Variants in ABCC4 observed in about 807,000 individuals in gnomAD.
ABCC4 encodes ATP-binding cassette sub-family C member 4.
Under a neutral mutation model 168.5 loss-of-function variants are expected in ABCC4, and 102 were observed. The ratio of observed to expected loss-of-function variants is 0.61; its 90% CI spans 0.52 to 0.71. The LOEUF is 0.71. ABCC4 is among the 30% of genes least tolerant of loss of function. The pLI, the probability that ABCC4 is intolerant of heterozygous loss-of-function variation, is 0.00. For synonymous variants in ABCC4, 617 were observed against 590.7 expected, an observed-to-expected ratio of 1.04 and a Z score of -0.65; for missense variants, 1,402 against 1,605.8, an observed-to-expected ratio of 0.87 and a Z score of 2.17.
intron 19 of ABCC4, among the ~76,000 whole-genome samples, chr13:95,133,995 C>A (rs973069193): frequency 2.0e-5 from 3 of 152,116 alleles, no homozygotes; most frequent in Admixed American, 2.0e-4. Context: ...GAAATGCCAC[C>A]CCACTGGGTG....
chr13:95,219,671 T>C (rs547748554), intron 4 of ABCC4, among the ~76,000 whole-genome samples: 1 of 151,962 alleles, frequency 6.6e-6, no homozygotes, highest in East Asian at 1.9e-4. Flanking sequence ...CACTTGGCTT[T>C]TTTGGAGGGT....
intron 19 of ABCC4, among the ~76,000 whole-genome samples, chr13:95,138,880 A>T (rs1273143523): frequency 6.6e-6 from 1 of 151,948 alleles, no homozygotes; most frequent in Admixed American, 6.6e-5. Context: ...GCCTGCAATC[A>T]CTCCACGCCA....
chr13:95,251,438 G>C (rs368650263), intron 1 of ABCC4, among the ~76,000 whole-genome samples: 1 of 152,032 alleles, frequency 6.6e-6, no homozygotes, highest in East Asian at 1.9e-4. Context: ...TCTCTTTAAT[G>C]GACAAGTTCA....
intron 19 of ABCC4, among the ~76,000 whole-genome samples, chr13:95,121,358 G>A (rs2139425601): frequency 6.6e-6 from 1 of 152,058 alleles, no homozygotes; most frequent in South Asian, 2.1e-4. Flanking sequence ...TATTATTGTA[G>A]GATTATAGAG....
rs1462046332 is a variant in ABCC4, at chr13:95,289,690, G to A, written c.74+11551C>T. Among the ~76,000 whole-genome samples the A allele has an allele frequency of 3.9e-5, 6 of 152,304 alleles. No individual in the cohort carries two copies. The South Asian group carries it at 8.3e-4, about 21-fold the overall frequency. ...GAGAGGAACCTGAAAAAGGGGCAGC[G>A]AACCTTTGGCCAGAAAAATGGAAAT... On this transcript the variant is annotated intron_variant, in intron 1 of 30. Transcript: ENST00000645237.
intron 11 of ABCC4, among the ~76,000 whole-genome samples, chr13:95,178,768 G>C (rs2037796342): frequency 6.6e-6 from 1 of 152,186 alleles, no homozygotes; most frequent in South Asian, 2.1e-4. Context: ...CAGGGAAATA[G>C]GAGGAAGGAC....
chr13:95,113,719 C>T (rs1280022656), intron 20 of ABCC4, among the ~76,000 whole-genome samples: 1 of 152,086 alleles, frequency 6.6e-6, no homozygotes, highest in African/African-American at 2.4e-5. Flanking sequence ...CCTGGCGATA[C>T]CTCAGTCAAA....
intron 19 of ABCC4, among the ~76,000 whole-genome samples, chr13:95,116,308 A>G (rs1404725645): frequency 4.6e-5 from 7 of 152,176 alleles, no homozygotes; most frequent in South Asian, 4.1e-4. Flanking sequence ...CCCTCCTTTT[A>G]AGACCCAATC....
chr13:95,250,664 G>A (rs1284798984), intron 1 of ABCC4, among the ~76,000 whole-genome samples: 10 of 151,524 alleles, frequency 6.6e-5, no homozygotes, highest in African/African-American at 1.2e-4. Flanking sequence ...ACAAGGGTTA[G>A]TAGAGAGTTT....
At chr13:95,065,998 C>T (rs2033527213) in intron 25 of ABCC4, among the ~76,000 whole-genome samples, 1 of 152,168 alleles carries the variant, frequency 6.6e-6, no homozygotes, top group Admixed American at 6.5e-5. Flanking sequence ...ACTGGGAAAC[C>T]TCCTCTACAA....
chr13:95,224,106 C>A (rs1295815429), intron 4 of ABCC4, among the ~76,000 whole-genome samples: 5 of 148,870 alleles, frequency 3.4e-5, no homozygotes, highest in African/African-American at 1.2e-4. Flanking sequence ...CCAAGAAGCT[C>A]AGCAAACTCC....
At chr13:95,080,087 G>A (rs2034038234) in intron 21 of ABCC4, among the ~76,000 whole-genome samples, 1 of 152,028 alleles carries the variant, frequency 6.6e-6, no homozygotes, top group Non-Finnish European at 1.5e-5. Context: ...ATATCCAACA[G>A]CCTTCCCTAT....
chr13:95,189,813 C>T (rs1255432347), intron 9 of ABCC4, among the ~76,000 whole-genome samples: 1 of 152,132 alleles, frequency 6.6e-6, no homozygotes, highest in Non-Finnish European at 1.5e-5. Context: ...GCTTGTGTTA[C>T]CCATCCTGGG....
intron 19 of ABCC4, among the ~76,000 whole-genome samples, chr13:95,135,086 G>T (rs1216393908): frequency 6.6e-6 from 1 of 152,160 alleles, no homozygotes; most frequent in East Asian, 1.9e-4. Context: ...TTACGCAAAA[G>T]CTATTTGAAA....
chr13:95,230,085 C>T (rs563667804), intron 4 of ABCC4, among the ~76,000 whole-genome samples: 2 of 152,324 alleles, frequency 1.3e-5, no homozygotes, highest in South Asian at 2.1e-4. Context: ...CTAACATGAG[C>T]AAGTACAATG....
intron 1 of ABCC4, among the ~76,000 whole-genome samples, chr13:95,297,073 C>T (rs555398494): frequency 6.6e-6 from 1 of 151,900 alleles, no homozygotes; most frequent in Admixed American, 6.6e-5. Context: ...GAGTTCGAGA[C>T]CAGCCTGGCC....
intron 29 of ABCC4, 101 bp downstream of exon 29, chr13:95,043,581 T>C (rs2032451045): frequency 1.0e-6 from 1 of 960,422 alleles, no homozygotes; most frequent in Non-Finnish European, 1.5e-6. Context: ...TAACAGAAAA[T>C]TAACTTACTA....
intron 20 of ABCC4, among the ~76,000 whole-genome samples, chr13:95,112,713 C>T (rs1316277204): frequency 6.6e-6 from 1 of 152,092 alleles, no homozygotes; most frequent in African/African-American, 2.4e-5. Context: ...TTCAGTCAAT[C>T]TCAGCTGCTG....
intron 28 of ABCC4, 23 bp from the exon 29 acceptor site, chr13:95,043,810 T>G: frequency 6.4e-7 from 1 of 1,565,064 alleles, no homozygotes. Context: ...AAGTTAAGTT[T>G]AATTTCGTAA....
Sources: allele counts gnomAD v4.1 joint callset (sites outside exome capture counted in the v4.1 genomes callset), GRCh38; gene constraint gnomAD v4.1.1; transcripts MANE v1.5; gene names NCBI Gene and HGNC (gene_info 2026-07-23, HGNC 2026-07-21).